BTBD7: variants seen among roughly 807,000 people sequenced by gnomAD.
BTBD7 encodes BTB domain containing 7, also known as BTB/POZ domain-containing protein 7.
A neutral mutation model predicts 99.9 loss-of-function variants in BTBD7; 38 were observed. That is an observed-to-expected ratio of 0.38 (90% CI 0.29 to 0.50). The LOEUF (loss-of-function observed/expected upper bound fraction) is 0.50. Ranked by LOEUF, BTBD7 falls within the 20% of genes least tolerant of loss-of-function variation. The pLI is 0.93. For synonymous variants in BTBD7, 520 were observed against 511.4 expected (o/e 1.02, Z -0.23); for missense variants, 1,170 against 1,394.6 (o/e 0.84, Z 2.57).
chr14:93,247,328 T>TTTTG (rs34225714), intron 9 of BTBD7, among the ~76,000 whole-genome samples: 31,367 of 149,212 alleles, frequency 0.21, 3,369 homozygotes, highest in East Asian at 0.29. Context: ...GCCTATTCTT[T>TTTTG]TTTGTTTGTT....
At position 93,285,092 on chromosome 14, in the gene BTBD7, C is replaced by G. The variant is rs552026483; in HGVS notation, c.1162+8766G>C. ...CCCATTCTTCTCTAGGAAGTACATT[C>G]AAATTTGCTGAAGAGGAGACAATTA... On this transcript the variant is annotated intron_variant, in intron 3 of 10. Transcript: ENST00000334746. Among the ~76,000 whole-genome samples, 17 of 152,160 alleles carry G rather than the reference C, an allele frequency of 1.1e-4. 1 individual carries two copies. The highest frequency in any genetic ancestry group is 3.4e-4 in the African/African-American group (14 of 41,498).
At chr14:93,255,297 C>T (rs2052417146) in intron 6 of BTBD7, among the ~76,000 whole-genome samples, 1 of 152,080 alleles carries the variant, frequency 6.6e-6, no homozygotes, top group African/African-American at 2.4e-5. Flanking sequence ...AGGTGCATGC[C>T]ACCATGCCTG....
At chr14:93,248,899 A>G (rs1223880077) in intron 8 of BTBD7, among the ~76,000 whole-genome samples, 4 of 152,214 alleles carry the variant, frequency 2.6e-5, no homozygotes, top group Non-Finnish European at 5.9e-5. Flanking sequence ...TTTAGTTTAC[A>G]GTTCAAATAC....
At position 93,261,660 on chromosome 14, in the gene BTBD7, G is replaced by A; in HGVS notation, c.1389C>T (p.Ile463=). Residue 463 remains isoleucine (I), a synonymous_variant, in exon 5 of 11, where the codon ATC becomes ATT. Transcript: ENST00000334746. Reference sequence around the variant, plus strand: ...CTCCCCATTTAATCAGATATTTAAGGATATCTTGTTCACTTGCCTATAATA... The same window carrying A: ...CTCCCCATTTAATCAGATATTTAAGAATATCTTGTTCACTTGCCTATAATA... ...SDYLQASEQD[I]LKYLIKWGEH... is the part of the protein sequence containing the mutation. 2 of 1,608,270 alleles carry A rather than the reference G, an allele frequency of 1.2e-6. No homozygotes were observed. The highest frequency in any genetic ancestry group is 1.7e-6 in the Non-Finnish European group (2 of 1,176,308).
intron 1 of BTBD7, among the ~76,000 whole-genome samples, chr14:93,299,647 C>A (rs2052969269): frequency 7.3e-6 from 1 of 136,574 alleles, no homozygotes; most frequent in Admixed American, 8.1e-5. Flanking sequence ...CCAGTGATCA[C>A]GGCAGACCTA....
chr14:93,300,766 G>GAA (rs2052991561), intron 1 of BTBD7, among the ~76,000 whole-genome samples: 1 of 32,140 alleles, frequency 3.1e-5, no homozygotes, highest in East Asian at 7.8e-4. Flanking sequence ...GTGTGTGTGT[G>GAA]TGTGTGTATA....
Position 93,242,210 on chromosome 14 carries a change from G to T in BTBD7, c.*63C>A. On this transcript the variant is annotated 3_prime_UTR_variant, in exon 11 of 11. Coordinates refer to ENST00000334746, the MANE Select transcript of BTBD7 (RefSeq NM_001002860.4). The stretch of plus-strand genomic sequence containing the variant: ...GCATTGATGAACTGGTCTGTAAGTT[G>T]TTGGGTTACATCATAAAATGGGATG... 2 of 1,465,768 alleles carry T rather than the reference G, an allele frequency of 1.4e-6. No individual in the cohort carries two copies. Among genetic ancestry groups the T allele is most frequent in the Non-Finnish European group, 1.9e-6 (2 of 1,066,170 alleles). 90.8% of individuals were successfully genotyped at this position (1,465,768 alleles called of 1,614,324 possible).
chr14:93,294,522 A>G lies in BTBD7; in HGVS notation c.498T>C (p.Phe166=). 1 of 1,614,038 alleles carries G rather than the reference A, an allele frequency of 6.2e-7. No individual in the cohort carries two copies. The highest frequency in any genetic ancestry group is 8.5e-7 in the Non-Finnish European group (1 of 1,179,980). ...GTGAGGAAGAAAGCAGTGTTTTAAAAAATGGACACCTTGCTGCCAAAATGG... is the reference window on the plus strand; with the variant it reads ...GTGAGGAAGAAAGCAGTGTTTTAAAGAATGGACACCTTGCTGCCAAAATGG... ...HRAILAARCP[F]FKTLLSSSPE... Residue 166 remains phenylalanine (F), a synonymous_variant, in exon 3 of 11, where the codon TTT becomes TTC. Transcript: ENST00000334746.
chr14:93,310,750 C>G (rs1448210887), intron 1 of BTBD7, among the ~76,000 whole-genome samples: 1 of 138,038 alleles, frequency 7.2e-6, no homozygotes, highest in Non-Finnish European at 1.6e-5. Flanking sequence ...CAAAAACAAA[C>G]AAACAAAAAA....
intron 6 of BTBD7, chr14:93,256,135 A>T (rs918928833): frequency 2.3e-4 from 35 of 152,188 alleles, no homozygotes; most frequent in Admixed American, 2.3e-3. Flanking sequence ...CTTCAGTCTA[A>T]CAAGGATTAA....
At chr14:93,259,370 G>A (rs1057413727) in intron 5 of BTBD7, among the ~76,000 whole-genome samples, 1 of 152,040 alleles carries the variant, frequency 6.6e-6, no homozygotes, top group Admixed American at 6.6e-5. Context: ...CTACACCTGG[G>A]GGCCATCTTG....
intron 5 of BTBD7, 124 bp downstream of exon 5, chr14:93,261,478 A>G: frequency 1.3e-6 from 1 of 784,188 alleles, no homozygotes; most frequent in Non-Finnish European, 2.2e-6. Flanking sequence ...GCTGGTGGTA[A>G]AAACTTCCAT....
At chr14:93,274,482 C>G (rs562559543) in intron 3 of BTBD7, among the ~76,000 whole-genome samples, 1 of 152,296 alleles carries the variant, frequency 6.6e-6, no homozygotes, top group South Asian at 2.1e-4. Flanking sequence ...AAACACTTTT[C>G]CAATGGAGGG....
chr14:93,247,296 G>A (rs961418393), intron 9 of BTBD7, among the ~76,000 whole-genome samples: 3 of 151,820 alleles, frequency 2.0e-5, no homozygotes, highest in African/African-American at 7.3e-5. Context: ...CCAAAGTGCT[G>A]GGATTACAGC....
In BTBD7 at chr14:93,242,502, C is replaced by T. The variant is rs202159154; in HGVS notation, c.3170G>A (p.Arg1057Gln). Residue 1057 changes from arginine to glutamine, a missense_variant, in exon 11 of 11, where the codon CGA becomes CAA. Physicochemically the swap from Arg to Gln is conservative, Grantham distance 43 (BLOSUM62 1). Transcript: ENST00000334746. ...AGTCAAGTCAGTTTCTACTGCAGTTCGTCCCCTGACATGGGCTGGACCGGT... is the reference window on the plus strand; with the variant it reads ...AGTCAAGTCAGTTTCTACTGCAGTTTGTCCCCTGACATGGGCTGGACCGGT... ...ASTGPAHVRG[R>Q]TAVETDLTFG... 58 of 1,614,220 alleles carry T rather than the reference C, an allele frequency of 3.6e-5. No homozygotes were observed. The East Asian group carries it at 8.2e-4, about 23-fold the overall frequency.
intron 4 of BTBD7, among the ~76,000 whole-genome samples, chr14:93,262,724 T>C (rs963921074): frequency 2.0e-5 from 3 of 152,060 alleles, no homozygotes; most frequent in Non-Finnish European, 4.4e-5. Context: ...AATGGCAATG[T>C]AGCCCTCATT....
intron 1 of BTBD7, among the ~76,000 whole-genome samples, chr14:93,327,758 G>C (rs2053350240): frequency 6.6e-6 from 1 of 152,078 alleles, no homozygotes. Context: ...AGTCGACACA[G>C]TACCGGAAGT....
chr14:93,303,440 A>C (rs2053029039), intron 1 of BTBD7, among the ~76,000 whole-genome samples: 3 of 145,014 alleles, frequency 2.1e-5, no homozygotes, highest in Admixed American at 2.0e-4. Flanking sequence ...CCCATCTCAG[A>C]AAAAAAAAAG....
chr14:93,328,050 TA>T (rs1169444608), intron 1 of BTBD7, among the ~76,000 whole-genome samples: 2 of 152,006 alleles, frequency 1.3e-5, no homozygotes, highest in East Asian at 3.8e-4. Flanking sequence ...ATAAAATACT[TA>T]GGAATAAACT....
Sources: gnomAD v4.1 joint callset for allele counts (sites outside exome capture counted in the v4.1 genomes callset) on GRCh38, gnomAD v4.1.1 for gene constraint, MANE v1.5 for transcripts, NCBI Gene and HGNC (gene_info 2026-07-23, HGNC 2026-07-21) for gene names.